The following FRMD4B variants were observed in gnomAD, a reference collection of about 807,000 sequenced individuals.
The protein encoded by FRMD4B is FERM domain containing 4B, also known as FERM domain-containing protein 4B.
FRMD4B carries 74 observed loss-of-function variants against 141.5 expected under a neutral mutation model. That is an observed-to-expected ratio of 0.52 (90% CI 0.43 to 0.63). The LOEUF (loss-of-function observed/expected upper bound fraction) is 0.63. Ranked by LOEUF, FRMD4B falls within the 30% of genes least tolerant of loss-of-function variation. The probability of loss-of-function intolerance (pLI) is 0.00; values close to 1 mark genes in which losing one functional copy is unlikely to be tolerated. For missense variants in FRMD4B, 1,366 were observed against 1,253.4 expected (o/e 1.09, Z -1.36); for synonymous variants, 506 against 467.9 (o/e 1.08, Z -1.05).
intron 1 of FRMD4B, among the ~76,000 whole-genome samples, chr3:69,463,280 T>C (rs537648846): frequency 2.0e-5 from 3 of 152,330 alleles, no homozygotes; most frequent in East Asian, 3.9e-4. Flanking sequence ...ATGACAATCG[T>C]AGAATCTAAC....
At chr3:69,495,361 A>G (rs1000168240) in intron 1 of FRMD4B, among the ~76,000 whole-genome samples, 10 of 152,238 alleles carry the variant, frequency 6.6e-5, no homozygotes, top group Non-Finnish European at 2.9e-5. Context: ...AAGAACAGAA[A>G]GATAATCCAA....
intron 1 of FRMD4B, among the ~76,000 whole-genome samples, chr3:69,522,007 G>A (rs1700861399): frequency 6.6e-6 from 1 of 152,136 alleles, no homozygotes; most frequent in South Asian, 2.1e-4. Context: ...GCACCCTTTA[G>A]CAAGTTGTGA....
At chr3:69,421,006 C>T (rs1487234959) in intron 2 of FRMD4B, among the ~76,000 whole-genome samples, 1 of 152,216 alleles carries the variant, frequency 6.6e-6, no homozygotes, top group Non-Finnish European at 1.5e-5. Context: ...CCCTCCCACG[C>T]CCTCACTCCC....
chr3:69,476,469 C>T (rs1706001133), intron 1 of FRMD4B, among the ~76,000 whole-genome samples: 2 of 152,096 alleles, frequency 1.3e-5, no homozygotes, highest in Non-Finnish European at 1.5e-5. Flanking sequence ...GAATCCTTTC[C>T]CCATTGCTTG....
chr3:69,208,536 CGG>C (rs1336258405), intron 11 of FRMD4B, among the ~76,000 whole-genome samples: 1 of 152,068 alleles, frequency 6.6e-6, no homozygotes, highest in Non-Finnish European at 1.5e-5. Flanking sequence ...TCCTTCCCAT[CGG>C]CATACCCTGT....
At chr3:69,313,408 T>G (rs201658155) in intron 2 of FRMD4B, 44 bp downstream of exon 2, 5 of 1,379,454 alleles carry the variant, frequency 3.6e-6, no homozygotes, top group Non-Finnish European at 5.1e-6. Flanking sequence ...AAAACCTACC[T>G]GGGCAAGACT....
chr3:69,349,874 G>C (rs1703076371), intron 1 of FRMD4B, among the ~76,000 whole-genome samples: 1 of 152,104 alleles, frequency 6.6e-6, no homozygotes, highest in Non-Finnish European at 1.5e-5. Flanking sequence ...AAAAACCCTA[G>C]AAGAAAACCT....
At chr3:69,385,422 T>G (rs921113423) in intron 1 of FRMD4B, among the ~76,000 whole-genome samples, 13 of 152,290 alleles carry the variant, frequency 8.5e-5, no homozygotes, top group Middle Eastern at 3.4e-3. Flanking sequence ...AGGCCCCCTC[T>G]GCCAGCAAAT....
chr3:69,197,343 T>C (rs1175582724), intron 12 of FRMD4B, among the ~76,000 whole-genome samples: 1 of 152,174 alleles, frequency 6.6e-6, no homozygotes, highest in African/African-American at 2.4e-5. Flanking sequence ...TCTAAGGATG[T>C]GTAGCCATCA....
intron 12 of FRMD4B, 62 bp from the exon 13 acceptor site, chr3:69,197,100 C>A: frequency 7.2e-7 from 1 of 1,387,476 alleles, no homozygotes; most frequent in South Asian, 1.2e-5. Flanking sequence ...GCAAAATGTA[C>A]CCTGCGAGCA....
intron 1 of FRMD4B, among the ~76,000 whole-genome samples, chr3:69,517,437 G>A (rs553071576): frequency 2.6e-5 from 4 of 151,268 alleles, no homozygotes. Context: ...ATTGAACAGA[G>A]AAAAAAAAAT....
intron 1 of FRMD4B, among the ~76,000 whole-genome samples, chr3:69,502,352 G>A (rs1015754894): frequency 3.3e-5 from 5 of 152,110 alleles, no homozygotes; most frequent in Non-Finnish European, 7.3e-5. Flanking sequence ...CAATGGAACA[G>A]AACAGAGCCC....
intron 1 of FRMD4B, among the ~76,000 whole-genome samples, chr3:69,514,612 T>C (rs1700720824): frequency 6.6e-6 from 1 of 151,896 alleles, no homozygotes; most frequent in Non-Finnish European, 1.5e-5. Context: ...CACTTAAACC[T>C]GGGAGACAAA....
chr3:69,299,483 TC>T (rs1701140479), intron 4 of FRMD4B, among the ~76,000 whole-genome samples: 1 of 152,046 alleles, frequency 6.6e-6, no homozygotes, highest in African/African-American at 2.4e-5. Context: ...AATGCACCCC[TC>T]CCTCCATGGC....
rs1559695989 is a variant in FRMD4B at position 69,187,549 on chromosome 3, A to T, written c.1919+221T>A. ...GAGTGAAACTCCACCTCAAAAAAAA[A>T]AAAATATATATATATATACATATAT... is the stretch of plus-strand genomic sequence containing the variant. On this transcript the variant is annotated intron_variant, in intron 19 of 22. Transcript: ENST00000398540. 2.2e-5 allele frequency among the ~76,000 whole-genome samples: 3 copies of T among 136,546 alleles called. No individual in the cohort carries two copies. In the East Asian group the frequency reaches 6.1e-4, roughly 28 times the overall value. The allele number at this position is 136,546 out of a possible 152,430, so 89.6% of individuals were successfully genotyped here.
chr3:69,302,073 A>G (rs1245222742), intron 4 of FRMD4B, among the ~76,000 whole-genome samples: 2 of 152,166 alleles, frequency 1.3e-5, no homozygotes, highest in Non-Finnish European at 2.9e-5. Context: ...TTCAGCTTTA[A>G]ATTGATTTCT....
At chr3:69,415,675 A>T (rs953512634) in intron 2 of FRMD4B, among the ~76,000 whole-genome samples, 1 of 152,230 alleles carries the variant, frequency 6.6e-6, no homozygotes, top group Non-Finnish European at 1.5e-5. Context: ...ACTTCTTAGA[A>T]CAGCAATTAT....
Position 69,269,248 on chromosome 3 carries a change from C to T in FRMD4B, c.501+18504G>A, listed in dbSNP as rs954638788. Among the ~76,000 whole-genome samples, 8 of 151,796 alleles carry T rather than the reference C, an allele frequency of 5.3e-5. No homozygotes were observed. The East Asian group carries it at 5.8e-4, about 11-fold the overall frequency. On this transcript the variant is annotated intron_variant, in intron 5 of 22. Transcript: ENST00000398540. ...CTGGCAGATGAGAACATTTTATAAC[C>T]GTCCTCCTGGGAATTTTGGAATAAT...
chr3:69,354,483 ACT>A (rs757256873), intron 1 of FRMD4B, among the ~76,000 whole-genome samples: 26 of 152,150 alleles, frequency 1.7e-4, no homozygotes, highest in Non-Finnish European at 2.8e-4. Flanking sequence ...AATCTCTAAG[ACT>A]CTCTAGAGTC....
Sources: gnomAD v4.1 joint callset for allele counts (sites outside exome capture counted in the v4.1 genomes callset) on GRCh38, gnomAD v4.1.1 for gene constraint, MANE v1.5 for transcripts, NCBI Gene and HGNC (gene_info 2026-07-23, HGNC 2026-07-21) for gene names.